PITPNM2: variants seen among roughly 807,000 people sequenced by gnomAD.
The protein encoded by PITPNM2 is phosphatidylinositol transfer protein membrane associated 2, also known as membrane-associated phosphatidylinositol transfer protein 2.
PITPNM2 carries 35 observed loss-of-function variants against 132.2 expected under a neutral mutation model. The ratio of observed to expected loss-of-function variants is 0.26; its 90% CI spans 0.20 to 0.35. The LOEUF is 0.35. Ranked by LOEUF, PITPNM2 falls within the 10% of genes least tolerant of loss-of-function variation. The pLI, the probability that PITPNM2 is intolerant of heterozygous loss-of-function variation, is 1.00. For synonymous variants in PITPNM2, 738 were observed against 799.2 expected, an observed-to-expected ratio of 0.92 and a Z score of 1.29; for missense variants, 1,332 against 1,912.0, an observed-to-expected ratio of 0.70 and a Z score of 5.66.
In PITPNM2 at chr12:122,992,577, G is replaced by A. The variant is rs777853059; in HGVS notation, c.2326C>T (p.Arg776Cys). ...ASRLEPLLER[R>C]FHALPPFSVP... Reference sequence around the variant, plus strand: ...CTGAAAGGCGGCAGGGCGTGAAAGCGCCGTTCCAGCAGCGGCTCCAGGCGT... The same window carrying A: ...CTGAAAGGCGGCAGGGCGTGAAAGCACCGTTCCAGCAGCGGCTCCAGGCGT... The change falls in exon 16 of 26, where the codon CGC becomes TGC. Residue 776 changes from arginine (R) to cysteine (C), a missense_variant. Physicochemically the swap from Arg to Cys is radical, Grantham distance 180. Transcript: ENST00000320201. This position sits in a 1 kb window ranked among gnomAD's most constrained non-coding sequence, Gnocchi z 6.5. 2.4e-5 allele frequency: 39 copies of A among 1,611,422 alleles called. No individual in the cohort carries two copies. The highest frequency in any genetic ancestry group is 3.3e-5 in the Admixed American group (2 of 59,872).
intron 4 of PITPNM2, among the ~76,000 whole-genome samples, 162 bp downstream of exon 4, chr12:123,013,666 C>A (rs920796908): frequency 6.6e-6 from 1 of 152,234 alleles, no homozygotes; most frequent in Non-Finnish European, 1.5e-5. Context: ...CCCTAGGTGA[C>A]CTTCGGGGCA....
chr12:123,010,122 C>T, intron 5 of PITPNM2, 45 bp from the exon 6 acceptor site: 2 of 1,471,050 alleles, frequency 1.4e-6, no homozygotes, highest in Non-Finnish European at 1.9e-6. Flanking sequence ...CTGACCTCAA[C>T]CCCCACCCAC....
intron 5 of PITPNM2, among the ~76,000 whole-genome samples, chr12:123,011,569 A>C (rs1258080300): frequency 2.6e-5 from 4 of 152,216 alleles, no homozygotes; most frequent in Admixed American, 2.6e-4. Context: ...TCTAGAGATA[A>C]GGTTTTCAAA....
At chr12:123,034,720 T>A (rs1208512750) in intron 2 of PITPNM2, 35 bp from the exon 3 acceptor site, 2 of 760,292 alleles carry the variant, frequency 2.6e-6, no homozygotes, top group Non-Finnish European at 4.5e-6. Context: ...GAACAGTCAC[T>A]TTCTGCAAAG....
intron 2 of PITPNM2, among the ~76,000 whole-genome samples, chr12:123,080,655 G>C (rs564839570): frequency 6.6e-6 from 1 of 152,254 alleles, no homozygotes; most frequent in Non-Finnish European, 1.5e-5. Context: ...TAAGCAGTCA[G>C]CTGGGCAGGG....
chr12:122,988,124 G>T, intron 20 of PITPNM2, 110 bp downstream of exon 20: 1 of 1,012,460 alleles, frequency 9.9e-7, no homozygotes. Flanking sequence ...TCATGGCCTG[G>T]GAAGGTACAT....
In PITPNM2 at chr12:123,000,663, G is replaced by T. The variant is rs1056146450; in HGVS notation, c.1224+115C>A. The T allele has an allele frequency of 8.6e-7, 1 of 1,157,132 alleles. No homozygotes were observed. The highest frequency in any genetic ancestry group is 1.2e-6 in the Non-Finnish European group (1 of 801,366). The allele number at this position is 1,157,132 out of a possible 1,614,324, so 71.7% of individuals were successfully genotyped here. A position where few individuals can be genotyped will look rare whatever the true frequency, so the allele number is the denominator to read the frequency against. On this transcript the variant is annotated intron_variant, in intron 10 of 25. Transcript: ENST00000320201. This position sits in a 1 kb window ranked among gnomAD's most constrained non-coding sequence, Gnocchi z 5.4. ...CCCAGACAGTACCCAGGCAGGCGTG[G>T]AGGTGAGGCTGCCAGGCCCAGAGTT...
rs750795374 is a variant in PITPNM2, at chr12:123,077,799, A to G, written c.-96+32586T>C. Among the ~76,000 whole-genome samples, 1 of 152,184 alleles carries G rather than the reference A, an allele frequency of 6.6e-6. No individual in the cohort carries two copies. The highest frequency in any genetic ancestry group is 2.4e-5 in the African/African-American group (1 of 41,446). ...CAGAAGGAGCAGAAAATTACCTTTT[A>G]GGAAGCCAATGTGAGGGAAGGGGTG... On this transcript the variant is annotated intron_variant, in intron 2 of 25. Coordinates refer to ENST00000320201, the MANE Select transcript of PITPNM2 (RefSeq NM_020845.3). The surrounding 1 kb of genome is among the most constrained non-coding windows in gnomAD (Gnocchi z 4.8).
intron 2 of PITPNM2, chr12:123,105,517 G>A (rs529881188): frequency 1.3e-5 from 2 of 152,286 alleles, no homozygotes; most frequent in African/African-American, 2.4e-5. Flanking sequence ...AAAAGCGATT[G>A]TCCCAGGCAG....
intron 1 of PITPNM2, among the ~76,000 whole-genome samples, chr12:123,124,877 TA>T (rs1230092797): frequency 6.6e-6 from 1 of 152,218 alleles, no homozygotes; most frequent in East Asian, 1.9e-4. Flanking sequence ...GTAAGTTCCA[TA>T]AGGAATGTAT....
In PITPNM2 at chr12:123,095,854, C is replaced by G. The variant is rs1057457001; in HGVS notation, c.-96+14531G>C. ...CCACAGGATCTAAACCAAGCGTCAG[C>G]ACCTGAGGCTCCCTTCATGGGCTCC... On this transcript the variant is annotated intron_variant, in intron 2 of 25. Coordinates refer to ENST00000320201, the MANE Select transcript of PITPNM2 (RefSeq NM_020845.3). The surrounding 1 kb of genome is among the most constrained non-coding windows in gnomAD (Gnocchi z 5.0). Among the ~76,000 whole-genome samples, 2 of 152,246 alleles carry G rather than the reference C, an allele frequency of 1.3e-5. No individual in the cohort carries two copies. The highest frequency in any genetic ancestry group is 4.8e-5 in the African/African-American group (2 of 41,476).
At position 122,992,603 on chromosome 12, in the gene PITPNM2, G is replaced by A; in HGVS notation, c.2300C>T (p.Ser767Leu). 6.2e-7 allele frequency: 1 copy of A among 1,610,610 alleles called. No individual in the cohort carries two copies. The highest frequency in any genetic ancestry group is 8.5e-7 in the Non-Finnish European group (1 of 1,178,796). ...CCGTTCCAGCAGCGGCTCCAGGCGT[G>A]AAGCTGACGGGTCCGCGGGGTGGAA... ...NLFHPADPSASRLEPLLERRF... is the reference protein window; with the variant it reads ...NLFHPADPSALRLEPLLERRF... Residue 767 changes from serine to leucine, a missense_variant, in exon 16 of 26, where the codon TCA (serine) becomes TTA (leucine). Physicochemically the swap from Ser to Leu is moderately radical, Grantham distance 145. Coordinates refer to ENST00000320201, the MANE Select transcript of PITPNM2 (RefSeq NM_020845.3). The surrounding 1 kb of genome is among the most constrained non-coding windows in gnomAD (Gnocchi z 6.5).
chr12:123,144,576 T>C (rs193032124), intron 1 of PITPNM2, among the ~76,000 whole-genome samples: 2 of 152,182 alleles, frequency 1.3e-5, no homozygotes, highest in East Asian at 1.9e-4. Context: ...GGATTACAGA[T>C]GGACACCACC....
At position 123,095,953 on chromosome 12, in the gene PITPNM2, T is replaced by C. The variant is rs911457686; in HGVS notation, c.-96+14432A>G. On this transcript the variant is annotated intron_variant, in intron 2 of 25. Transcript: ENST00000320201. The surrounding 1 kb of genome is among the most constrained non-coding windows in gnomAD (Gnocchi z 5.0). ...CTATCGTAAGGATCATCACCGCCCATGACTGATGCCTGTGATGGCCTGAGA... is the reference window on the plus strand; with the variant it reads ...CTATCGTAAGGATCATCACCGCCCACGACTGATGCCTGTGATGGCCTGAGA... Among the ~76,000 whole-genome samples the C allele has an allele frequency of 6.6e-6, 1 of 152,214 alleles. No individual in the cohort carries two copies. The highest frequency in any genetic ancestry group is 2.4e-5 in the African/African-American group (1 of 41,454).
At chr12:123,055,215 G>A (rs931267652) in intron 2 of PITPNM2, among the ~76,000 whole-genome samples, 1 of 152,220 alleles carries the variant, frequency 6.6e-6, no homozygotes, top group Non-Finnish European at 1.5e-5. Context: ...AGAAGACGTG[G>A]TGTGAATCTG....
rs2136017075 is a variant in PITPNM2, at chr12:122,984,336, C to CT, written c.*1690dup. ...GGAGGAGGCACTGGCCACAGGGCCC[C>CT]TGACAGGGGCTGTGATTGTCGGGCC... On this transcript the variant is annotated 3_prime_UTR_variant, in exon 26 of 26. Coordinates refer to ENST00000320201, the MANE Select transcript of PITPNM2 (RefSeq NM_020845.3). The CT allele has an allele frequency of 6.5e-6, 1 of 152,754 alleles. No individual in the cohort carries two copies. Among genetic ancestry groups the CT allele is most frequent in the African/African-American group, 2.4e-5 (1 of 41,588 alleles). The allele number at this position is 152,754 out of a possible 1,614,324, so 9.5% of individuals were successfully genotyped here.
intron 2 of PITPNM2, among the ~76,000 whole-genome samples, chr12:123,107,620 T>C (rs1013000634): frequency 6.6e-6 from 1 of 151,912 alleles, no homozygotes; most frequent in Non-Finnish European, 1.5e-5. Context: ...CCCCAGGGAG[T>C]GTGGCCTCCC....
intron 2 of PITPNM2, chr12:123,075,468 T>C (rs1566280010): frequency 6.6e-6 from 1 of 152,278 alleles, no homozygotes; most frequent in East Asian, 1.9e-4. Context: ...GACTTTCTCC[T>C]GGGAGCTTCA....
intron 2 of PITPNM2, among the ~76,000 whole-genome samples, chr12:123,059,850 G>A (rs991441403): frequency 6.6e-6 from 1 of 152,032 alleles, no homozygotes; most frequent in Non-Finnish European, 1.5e-5. Flanking sequence ...AAAGGGACAG[G>A]GGTTCCTTTC....
Sources: allele counts gnomAD v4.1 joint callset (sites outside exome capture counted in the v4.1 genomes callset), GRCh38; gene constraint gnomAD v4.1.1; non-coding constraint Gnocchi (gnomAD v3.1); transcripts MANE v1.5; gene names NCBI Gene and HGNC (gene_info 2026-07-23, HGNC 2026-07-21).